ADGRE1: variants seen among roughly 807,000 people sequenced by gnomAD.
The protein encoded by ADGRE1 is EGF-like module receptor 1.
In ADGRE1, 82 loss-of-function variants were observed where a neutral mutation model predicts 102.7. The observed-to-expected ratio is 0.80, with a 90% CI of 0.67 to 0.96. ADGRE1 has a LOEUF of 0.96. Among genes scored for constraint, ADGRE1 ranks in the 40% least tolerant of loss-of-function variants. The probability of loss-of-function intolerance (pLI) is 0.00; values close to 1 mark genes in which losing one functional copy is unlikely to be tolerated. For missense variants in ADGRE1, 1,032 were observed against 1,085.3 expected (o/e 0.95, Z 0.69); for synonymous variants, 398 against 399.6 (o/e 1.00, Z 0.05).
chr19:6,893,323 G>C (rs1024772018), intron 2 of ADGRE1, among the ~76,000 whole-genome samples: 2 of 152,040 alleles, frequency 1.3e-5, no homozygotes, highest in African/African-American at 4.8e-5. Context: ...TCAGCCTCCT[G>C]AGTAGTTGGG....
At chr19:6,887,810 C>T (rs773808930) in intron 1 of ADGRE1, among the ~76,000 whole-genome samples, 171 bp downstream of exon 1, 1 of 152,162 alleles carries the variant, frequency 6.6e-6, no homozygotes, top group Non-Finnish European at 1.5e-5. Context: ...CAGGGAAGTC[C>T]ATCTGTTAGG....
At chr19:6,890,637 C>T (rs1973334739) in intron 2 of ADGRE1, 94 bp downstream of exon 2, 6 of 1,343,226 alleles carry the variant, frequency 4.5e-6, no homozygotes, top group Admixed American at 2.2e-5. Flanking sequence ...CATCCAGATG[C>T]TTGCTGGGAG....
At chr19:6,917,149 A>C (rs1974420127) in intron 12 of ADGRE1, among the ~76,000 whole-genome samples, 1 of 145,718 alleles carries the variant, frequency 6.9e-6, no homozygotes, top group Non-Finnish European at 1.5e-5. Context: ...GTTTCAATAA[A>C]ACTTTATTTA....
Position 6,924,692 on chromosome 19 carries a change from G to T in ADGRE1, c.1806G>T (p.Leu602Phe). 6.2e-7 allele frequency: 1 copy of T among 1,613,850 alleles called. No homozygotes were observed. Among genetic ancestry groups the T allele is most frequent in the Non-Finnish European group, 8.5e-7 (1 of 1,179,868 alleles). ...ASGELTMDFSLYIISHVGIII... is the reference protein window; with the variant it reads ...ASGELTMDFSFYIISHVGIII... ...CTTCCTGACAGATGGACTTTTCCTT[G>T]TACATCATTAGCCATGTAGGCATTA... Residue 602 changes from leucine to phenylalanine, a missense_variant, in exon 15 of 21, where the codon TTG becomes TTT. By Grantham distance (22) the Leu-to-Phe change is conservative. Transcript: ENST00000312053.
rs1434287051 is a variant in ADGRE1, at chr19:6,903,806, A to G, written c.662-4A>G. 7 of 1,613,874 alleles carry G rather than the reference A, an allele frequency of 4.3e-6. No homozygotes were observed. Among genetic ancestry groups the G allele is most frequent in the East Asian group, 4.5e-5 (2 of 44,902 alleles). ...TGGCTCCACACCCATTCTGTACCCC[A>G]CAGATATTGATGAATGCACTGAAAT... is the stretch of plus-strand genomic sequence containing the variant. On this transcript the variant is annotated splice_region_variant and splice_polypyrimidine_tract_variant and intron_variant, in intron 6 of 20. Transcript: ENST00000312053.
At chr19:6,938,992 CAT>C (rs1975561181) in intron 20 of ADGRE1, among the ~76,000 whole-genome samples, 1 of 151,900 alleles carries the variant, frequency 6.6e-6, no homozygotes, top group Non-Finnish European at 1.5e-5. Flanking sequence ...GACAGGGTTT[CAT>C]GATGTTGGCC....
chr19:6,938,003 G>A (rs1461858865), intron 20 of ADGRE1, among the ~76,000 whole-genome samples: 2 of 150,902 alleles, frequency 1.3e-5, no homozygotes, highest in Admixed American at 6.6e-5. Flanking sequence ...TACATATAAT[G>A]TATAATATTA....
At chr19:6,931,516 G>A (rs567115522) in intron 17 of ADGRE1, among the ~76,000 whole-genome samples, 10 of 152,166 alleles carry the variant, frequency 6.6e-5, no homozygotes, top group East Asian at 1.9e-4. Flanking sequence ...TAAGATCACC[G>A]GCCAGGTGCA....
intron 10 of ADGRE1, among the ~76,000 whole-genome samples, chr19:6,911,474 A>G (rs548475039): frequency 6.8e-6 from 1 of 146,438 alleles, no homozygotes; most frequent in South Asian, 2.1e-4. Context: ...AATCATATGA[A>G]TATTACTATT....
chr19:6,919,840 A>G, intron 13 of ADGRE1, 93 bp downstream of exon 13: 2 of 1,276,486 alleles, frequency 1.6e-6, no homozygotes, highest in South Asian at 1.3e-5. Flanking sequence ...ACGGGAAGCT[A>G]TTGAGGCCGG....
At position 6,916,298 on chromosome 19, in the gene ADGRE1, G is replaced by A. The variant is rs767510342; in HGVS notation, c.1350G>A (p.Thr450=). The change falls in exon 12 of 21, where the codon ACG becomes ACA. Residue 450 remains threonine, a synonymous_variant. Transcript: ENST00000312053. The stretch of plus-strand genomic sequence containing the variant: ...AAGAATGCAGTGAAGAGAATGTGAC[G>A]TTGGACTTGGTAGCCAAGGGGGATA... ...INKECSEENV[T]LDLVAKGDKM... 55 of 1,613,416 alleles carry A rather than the reference G, an allele frequency of 3.4e-5. No individual in the cohort carries two copies. The highest frequency in any genetic ancestry group is 4.0e-5 in the Non-Finnish European group (47 of 1,179,662).
chr19:6,904,041 G>A lies in ADGRE1; in HGVS notation c.808G>A (p.Asp270Asn). 1.9e-6 allele frequency: 3 copies of A among 1,614,152 alleles called. No homozygotes were observed. The highest frequency in any genetic ancestry group is 2.5e-6 in the Non-Finnish European group (3 of 1,180,032). ...TDQGVECRDI[D>N]ECRQDPSTCG... ...TATTCTCCAGTTCTTTGCAGATATT[G>A]ATGAGTGCCGCCAAGATCCATCAAC... The change falls in exon 8 of 21, where the codon GAT becomes AAT. Residue 270 changes from aspartate (D) to asparagine (N), a missense_variant. Transcript: ENST00000312053.
chr19:6,911,385 G>GTTTTGTT (rs1974169848), intron 10 of ADGRE1, among the ~76,000 whole-genome samples: 4 of 79,844 alleles, frequency 5.0e-5, no homozygotes, highest in South Asian at 1.1e-3. Context: ...ATTCCTTTTA[G>GTTTTGTT]TTTTTTTTTT....
intron 14 of ADGRE1, among the ~76,000 whole-genome samples, chr19:6,924,415 G>A (rs1974796897): frequency 6.6e-6 from 1 of 152,116 alleles, no homozygotes; most frequent in Admixed American, 6.6e-5. Flanking sequence ...AGTTCCAAAG[G>A]ATTCTGGGAG....
Position 6,906,079 on chromosome 19 carries a change from C to T in ADGRE1, c.950-354C>T, listed in dbSNP as rs948792801. Among the ~76,000 whole-genome samples, 6 of 152,282 alleles carry T rather than the reference C, an allele frequency of 3.9e-5. No homozygotes were observed. The South Asian group carries it at 8.3e-4, about 21-fold the overall frequency. On this transcript the variant is annotated intron_variant, in intron 8 of 20. Coordinates refer to ENST00000312053, the MANE Select transcript of ADGRE1 (RefSeq NM_001974.5). ...TATGTCTTTTATATGTATGACTTCT[C>T]TAATTTGCTCTGTTTCACTCAATAT...
intron 8 of ADGRE1, among the ~76,000 whole-genome samples, chr19:6,904,515 C>T (rs1001147317): frequency 4.7e-5 from 7 of 148,312 alleles, no homozygotes; most frequent in South Asian, 2.1e-4. Context: ...GAAACAACAA[C>T]AAAAAAGTGT....
intron 10 of ADGRE1, among the ~76,000 whole-genome samples, chr19:6,911,385 G>GTTTTTTT (rs772959056): frequency 0.34 from 26,299 of 77,710 alleles, 5,469 homozygotes; most frequent in Non-Finnish European, 0.44. Context: ...ATTCCTTTTA[G>GTTTTTTT]TTTTTTTTTT....
chr19:6,909,443 A>G (rs1188030460), intron 10 of ADGRE1, among the ~76,000 whole-genome samples: 1 of 152,130 alleles, frequency 6.6e-6, no homozygotes, highest in East Asian at 1.9e-4. Flanking sequence ...TCTTTGGAAG[A>G]GTGTTATATA....
At chr19:6,901,835 C>T (rs1347481045) in intron 5 of ADGRE1, 40 bp from the exon 6 acceptor site, 1 of 1,608,618 alleles carries the variant, frequency 6.2e-7, no homozygotes, top group East Asian at 2.2e-5. Context: ...TCCTTGCTTT[C>T]TCATTTACCT....
Sources: allele counts gnomAD v4.1 joint callset (sites outside exome capture counted in the v4.1 genomes callset), GRCh38; gene constraint gnomAD v4.1.1; transcripts MANE v1.5; gene names NCBI Gene and HGNC (gene_info 2026-07-23, HGNC 2026-07-21).